The following STAB2 variants were observed in gnomAD, a reference collection of about 807,000 sequenced individuals.
STAB2 encodes stabilin 2.
A neutral mutation model predicts 338.1 loss-of-function variants in STAB2; 288 were observed. That is an observed-to-expected ratio of 0.85 (90% CI 0.77 to 0.94). The LOEUF is 0.94. STAB2 is among the 40% of genes least tolerant of loss of function. The probability of loss-of-function intolerance (pLI) is 0.00; values close to 1 mark genes in which losing one functional copy is unlikely to be tolerated. For missense variants in STAB2, 3,141 were observed against 3,210.1 expected (o/e 0.98, Z 0.52); for synonymous variants, 1,202 against 1,193.3 (o/e 1.01, Z -0.15).
intron 10 of STAB2, among the ~76,000 whole-genome samples, chr12:103,649,518 C>T (rs1593181461): frequency 6.6e-6 from 1 of 152,154 alleles, no homozygotes; most frequent in Non-Finnish European, 1.5e-5. Flanking sequence ...AAAAGTAAAA[C>T]ACAGACTTGG....
rs555653156 is a variant in STAB2, at chr12:103,698,118, G to C, written c.3583-978G>C. On this transcript the variant is annotated intron_variant, in intron 33 of 68. Coordinates refer to ENST00000388887, the MANE Select transcript of STAB2 (RefSeq NM_017564.10). ...GAACAGGGAGAGAACAGGAAGGACT[G>C]AGTTCCTCTTTCCCCTCCAGCCCTC... Among the ~76,000 whole-genome samples the C allele has an allele frequency of 3.3e-5, 5 of 152,288 alleles. No homozygotes were observed. The South Asian group carries it at 1.0e-3, about 32-fold the overall frequency.
chr12:103,605,302 C>T (rs1957010917), intron 3 of STAB2, among the ~76,000 whole-genome samples: 1 of 151,054 alleles, frequency 6.6e-6, no homozygotes, highest in African/African-American at 2.4e-5. Flanking sequence ...TATTTGAATC[C>T]ATTTAAATTT....
intron 36 of STAB2, among the ~76,000 whole-genome samples, 182 bp from the exon 37 acceptor site, chr12:103,705,450 C>T (rs140368750): frequency 3.3e-5 from 5 of 152,224 alleles, no homozygotes; most frequent in Admixed American, 1.3e-4. Flanking sequence ...CCTGGCATTC[C>T]GGCAACCAAC....
At position 103,728,969 on chromosome 12, in the gene STAB2, G is replaced by C. The variant is rs201799617; in HGVS notation, c.5056G>C (p.Glu1686Gln). The C allele has an allele frequency of 2.8e-4, 458 of 1,613,956 alleles. No homozygotes were observed. Among genetic ancestry groups the C allele is most frequent in the Non-Finnish European group, 3.6e-4 (425 of 1,179,850 alleles). Residue 1686 changes from glutamate (E) to glutamine (Q), a missense_variant, in exon 48 of 69, where the codon GAG (glutamate) becomes CAG (glutamine). Glu to Gln is a conservative substitution (Grantham distance 29, BLOSUM62 2). Coordinates refer to ENST00000388887, the MANE Select transcript of STAB2 (RefSeq NM_017564.10). ...CTCAAATGCTACTTCCCTCCAAGGAGAGCCAATAGTCATCTCCGTCTCTCA... is the reference window on the plus strand; with the variant it reads ...CTCAAATGCTACTTCCCTCCAAGGACAGCCAATAGTCATCTCCGTCTCTCA... ...LISNATSLQG[E>Q]PIVISVSQST...
rs1011949418 is a variant in STAB2 at position 103,627,256 on chromosome 12, G to A, written c.488-4342G>A. ...TCCATCATACATTACACACCAGACA[G>A]GTGAAGTGGATCCTAAGAGTGATGA... On this transcript the variant is annotated intron_variant, in intron 5 of 68. Transcript: ENST00000388887. Among the ~76,000 whole-genome samples the A allele has an allele frequency of 4.6e-5, 7 of 152,312 alleles. No homozygotes were observed. In the East Asian group the frequency reaches 1.4e-3, roughly 29 times the overall value.
Position 103,673,761 on chromosome 12 carries a change from G to A in STAB2, c.2372-146G>A, listed in dbSNP as rs141202739. ...GAGACTCCAAGAAATAGCAGCCTAA[G>A]TCTTCTCCCGGCTCAGCCCCGATTC... On this transcript the variant is annotated intron_variant, in intron 22 of 68. Coordinates refer to ENST00000388887, the MANE Select transcript of STAB2 (RefSeq NM_017564.10). 2.3e-6 allele frequency: 2 copies of A among 853,868 alleles called. 1 individual carries two copies. Among genetic ancestry groups the A allele is most frequent in the East Asian group, 5.4e-5 (2 of 37,022 alleles). The allele number at this position is 853,868 out of a possible 1,614,324, so 52.9% of individuals were successfully genotyped here.
chr12:103,748,883 TGTG>T (rs1409334120), intron 58 of STAB2, 77 bp from the exon 59 acceptor site: 1 of 1,434,604 alleles, frequency 7.0e-7, no homozygotes, highest in African/African-American at 1.4e-5. Context: ...CCACTAGTGC[TGTG>T]GTGCCCCATA....
At chr12:103,719,775 C>G (rs1048560746) in intron 44 of STAB2, among the ~76,000 whole-genome samples, 11 of 152,254 alleles carry the variant, frequency 7.2e-5, no homozygotes, top group Middle Eastern at 3.2e-3. Context: ...GTTCAACCCA[C>G]TAGGCTGTGA....
At chr12:103,757,016 TATATATATATATATAAA>T (rs1884170824) in intron 63 of STAB2, among the ~76,000 whole-genome samples, 1 of 135,270 alleles carries the variant, frequency 7.4e-6, no homozygotes, top group Non-Finnish European at 1.6e-5. Context: ...TATATATATA[TATATATATATATATAAA>T]ATATATATAT....
At chr12:103,710,593 C>T (rs1402052946) in intron 39 of STAB2, among the ~76,000 whole-genome samples, 3 of 152,098 alleles carry the variant, frequency 2.0e-5, no homozygotes, top group Non-Finnish European at 4.4e-5. Context: ...GAGCAGGTTC[C>T]AGAGAAAAGG....
chr12:103,646,394 G>T (rs1191356129), intron 9 of STAB2, among the ~76,000 whole-genome samples: 1 of 152,102 alleles, frequency 6.6e-6, no homozygotes, highest in Admixed American at 6.5e-5. Context: ...GGTCACTGTT[G>T]TCATTATAGT....
In STAB2 at chr12:103,627,860, C is replaced by T. The variant is rs185835797; in HGVS notation, c.488-3738C>T. 4.3e-4 allele frequency among the ~76,000 whole-genome samples: 65 copies of T among 152,332 alleles called. 1 individual carries two copies. In the East Asian group the frequency reaches 8.9e-3, roughly 21 times the overall value. On this transcript the variant is annotated intron_variant, in intron 5 of 68. Coordinates refer to ENST00000388887, the MANE Select transcript of STAB2 (RefSeq NM_017564.10). ...TGACAACAATTAGGGCAGGAATCAT[C>T]ACTGTATCTCCTAGAGCCTGGCTTC...
chr12:103,665,388 G>A lies in STAB2; in HGVS notation c.2023-903G>A, dbSNP rs560254752. ...AGAATCCATCTGAGATGATCCAAAC[G>A]AAGAGATTCTGATGAAGGAGCTACT... On this transcript the variant is annotated intron_variant, in intron 18 of 68. Coordinates refer to ENST00000388887, the MANE Select transcript of STAB2 (RefSeq NM_017564.10). Among the ~76,000 whole-genome samples the A allele has an allele frequency of 2.1e-4, 32 of 152,288 alleles. 1 individual carries two copies. The South Asian group carries it at 2.7e-3, about 13-fold the overall frequency.
chr12:103,649,475 C>A (rs1322880483), intron 10 of STAB2, among the ~76,000 whole-genome samples: 1 of 152,182 alleles, frequency 6.6e-6, no homozygotes, highest in Non-Finnish European at 1.5e-5. Context: ...TTGGACACAA[C>A]TTCCAATAAA....
At chr12:103,648,578 A>C in intron 9 of STAB2, 112 bp from the exon 10 acceptor site, 1 of 1,433,424 alleles carries the variant, frequency 7.0e-7, no homozygotes, top group Non-Finnish European at 9.4e-7. Context: ...TCTTGTCCCT[A>C]TTCAACCCTG....
At chr12:103,711,663 C>T in intron 40 of STAB2, 147 bp downstream of exon 40, 1 of 910,774 alleles carries the variant, frequency 1.1e-6, no homozygotes, top group Non-Finnish European at 1.7e-6. Flanking sequence ...CTAAAAATAT[C>T]TCTGAAGAGG....
chr12:103,677,634 A>C, intron 25 of STAB2, 23 bp downstream of exon 25: 1 of 1,597,096 alleles, frequency 6.3e-7, no homozygotes. Context: ...TCATGAGAGC[A>C]AAGAGAAAGC....
intron 25 of STAB2, among the ~76,000 whole-genome samples, chr12:103,682,757 G>C (rs1351689228): frequency 6.6e-6 from 1 of 152,228 alleles, no homozygotes; most frequent in African/African-American, 2.4e-5. Context: ...AGACCAGCCT[G>C]ACCAACATGG....
chr12:103,676,058 CTTTTTTTTTTT>C (rs35874368), intron 24 of STAB2, 37 bp downstream of exon 24: 3 of 669,378 alleles, frequency 4.5e-6, no homozygotes, highest in Admixed American at 8.8e-5. Flanking sequence ...TGCCTGGTTT[CTTTTTTTTTTT>C]TTTTTTTTTT....
Sources: allele counts gnomAD v4.1 joint callset (sites outside exome capture counted in the v4.1 genomes callset), GRCh38; gene constraint gnomAD v4.1.1; transcripts MANE v1.5; gene names NCBI Gene and HGNC (gene_info 2026-07-23, HGNC 2026-07-21).